The following CNTNAP5 variants were observed in gnomAD, a reference collection of about 807,000 sequenced individuals.
CNTNAP5 encodes contactin associated protein family member 5.
A neutral mutation model predicts 150.2 loss-of-function variants in CNTNAP5; 72 were observed. That is an observed-to-expected ratio of 0.48 (90% CI 0.40 to 0.58). The LOEUF is 0.58. Ranked by LOEUF, CNTNAP5 falls within the 20% of genes least tolerant of loss-of-function variation. The pLI is 0.00. For synonymous variants in CNTNAP5, 672 were observed against 619.8 expected, an observed-to-expected ratio of 1.08 and a Z score of -1.25; for missense variants, 1,636 against 1,626.2, an observed-to-expected ratio of 1.01 and a Z score of -0.10.
chr2:124,747,994 T>C (rs1680645774), intron 14 of CNTNAP5, among the ~76,000 whole-genome samples: 1 of 151,672 alleles, frequency 6.6e-6, no homozygotes, highest in South Asian at 2.1e-4. Context: ...GCATGCAATA[T>C]TGAGCTTTGC....
At chr2:124,895,614 G>C (rs1678288015) in intron 21 of CNTNAP5, among the ~76,000 whole-genome samples, 1 of 151,548 alleles carries the variant, frequency 6.6e-6, no homozygotes, top group Non-Finnish European at 1.5e-5. Context: ...GACAGAGCAA[G>C]ACCCTGTCTC....
chr2:124,312,722 C>A (rs1341343652), intron 3 of CNTNAP5, among the ~76,000 whole-genome samples: 1 of 152,230 alleles, frequency 6.6e-6, no homozygotes, highest in African/African-American at 2.4e-5. Context: ...AGGCGCTCGC[C>A]ACAGCACCCG....
intron 3 of CNTNAP5, among the ~76,000 whole-genome samples, chr2:124,320,656 C>A (rs531070227): frequency 6.6e-6 from 1 of 152,008 alleles, no homozygotes; most frequent in Non-Finnish European, 1.5e-5. Context: ...GATTCAAGAA[C>A]CTTATTTGGC....
In CNTNAP5 at chr2:124,242,346, G is replaced by A. The variant is rs777147651; in HGVS notation, c.334G>A (p.Asp112Asn). 6.2e-7 allele frequency: 1 copy of A among 1,613,450 alleles called. No homozygotes were observed. The highest frequency in any genetic ancestry group is 1.1e-5 in the South Asian group (1 of 91,022). ...WVTSYSLMFS[D>N]TGRNWKQYKQ... ...GACGAGTTACAGCCTGATGTTCAGT[G>A]ACACAGGACGCAACTGGAAACAGTA... Residue 112 changes from aspartate (D) to asparagine (N), a missense_variant, in exon 3 of 24, where the codon GAC becomes AAC. Asp to Asn is a conservative substitution (Grantham distance 23). Coordinates refer to ENST00000682447, the MANE Select transcript of CNTNAP5 (RefSeq NM_001367498.1).
chr2:124,354,565 G>T (rs1033749219), intron 3 of CNTNAP5, among the ~76,000 whole-genome samples: 34 of 152,138 alleles, frequency 2.2e-4, no homozygotes, highest in African/African-American at 7.7e-4. Flanking sequence ...TTTGACCTAA[G>T]ATCTTTGGAT....
At chr2:124,671,745 T>C (rs35643233) in intron 13 of CNTNAP5, among the ~76,000 whole-genome samples, 1 of 152,060 alleles carries the variant, frequency 6.6e-6, no homozygotes, top group East Asian at 1.9e-4. Context: ...GTTCAAGTGA[T>C]TCTCTTGATT....
At chr2:124,082,348 CAAA>C (rs56285830) in intron 1 of CNTNAP5, among the ~76,000 whole-genome samples, 1,302 of 73,402 alleles carry the variant, frequency 0.018, 18 homozygotes, top group African/African-American at 0.064. Context: ...GACTCTCTCT[CAAA>C]AAAAAAAAAA....
rs1678835628 is a variant in CNTNAP5 at position 124,919,699 on chromosome 2, C to T, written c.*5411C>T. 6.6e-6 allele frequency among the ~76,000 whole-genome samples: 1 copy of T among 152,004 alleles called. No homozygotes were observed. The highest frequency in any genetic ancestry group is 6.6e-5 in the Admixed American group (1 of 15,250). ...TGGGCTTTGCATGAATAATTCTTTA[C>T]TCACATTTGCATGATTTTTTTTACC... On this transcript the variant is annotated 3_prime_UTR_variant, in exon 24 of 24. Coordinates refer to ENST00000682447, the MANE Select transcript of CNTNAP5 (RefSeq NM_001367498.1).
intron 5 of CNTNAP5, among the ~76,000 whole-genome samples, chr2:124,442,793 T>C (rs1274190781): frequency 1.3e-5 from 2 of 152,090 alleles, no homozygotes; most frequent in Non-Finnish European, 2.9e-5. Context: ...AAAATTCGTA[T>C]CACAGGCAAA....
chr2:124,122,759 G>GACACACACACACACACACAC (rs66540981), intron 1 of CNTNAP5, among the ~76,000 whole-genome samples: 1 of 127,686 alleles, frequency 7.8e-6, no homozygotes, highest in Non-Finnish European at 1.7e-5. Context: ...GGTGGTAAAA[G>GACACACACACACACACACAC]ACACACACAC....
At chr2:124,806,146 A>G (rs1319711767) in intron 19 of CNTNAP5, among the ~76,000 whole-genome samples, 1 of 152,218 alleles carries the variant, frequency 6.6e-6, no homozygotes, top group Non-Finnish European at 1.5e-5. Context: ...AGATTAATAT[A>G]CAATTCATCT....
intron 10 of CNTNAP5, among the ~76,000 whole-genome samples, chr2:124,538,998 C>T (rs1381478673): frequency 6.6e-6 from 1 of 152,194 alleles, no homozygotes; most frequent in Admixed American, 6.5e-5. Context: ...TTGATGTCCA[C>T]TCATGGGGCC....
At chr2:124,696,401 T>G (rs2105084827) in intron 13 of CNTNAP5, among the ~76,000 whole-genome samples, 1 of 152,318 alleles carries the variant, frequency 6.6e-6, no homozygotes, top group South Asian at 2.1e-4. Flanking sequence ...AAATAACTCC[T>G]TAAACATCCA....
chr2:124,404,404 T>C (rs929044321), intron 3 of CNTNAP5, among the ~76,000 whole-genome samples: 2 of 152,186 alleles, frequency 1.3e-5, no homozygotes, highest in African/African-American at 2.4e-5. Context: ...AATGAGTGGC[T>C]CTGGTGGCAG....
At chr2:124,569,811 T>G (rs1287670419) in intron 11 of CNTNAP5, among the ~76,000 whole-genome samples, 2 of 152,248 alleles carry the variant, frequency 1.3e-5, no homozygotes, top group Non-Finnish European at 2.9e-5. Flanking sequence ...CATGTATTAA[T>G]TTGAAGCATA....
intron 17 of CNTNAP5, among the ~76,000 whole-genome samples, chr2:124,786,523 GAGAA>G (rs1352589919): frequency 1.5e-5 from 2 of 137,702 alleles, no homozygotes; most frequent in African/African-American, 6.1e-5. Context: ...AAGAAAGAAA[GAGAA>G]AGAAAGGAAA....
chr2:124,866,335 AG>A lies in CNTNAP5; in HGVS notation c.3348+904del, dbSNP rs572392582. ...GATCTATTAAATTGGAGGCTATGGA[AG>A]GGGGAAAGCAGCAGGTGATACTAAT... On this transcript the variant is annotated intron_variant, in intron 20 of 23. Transcript: ENST00000682447. 3.8e-3 allele frequency among the ~76,000 whole-genome samples: 586 copies of A among 152,254 alleles called. 6 individuals are homozygous for A. The highest frequency in any genetic ancestry group is 6.5e-3 in the Non-Finnish European group (439 of 68,004).
intron 3 of CNTNAP5, among the ~76,000 whole-genome samples, chr2:124,243,841 T>C (rs377100405): frequency 6.6e-6 from 1 of 152,198 alleles, no homozygotes; most frequent in Non-Finnish European, 1.5e-5. Flanking sequence ...AAATTGTATT[T>C]TGGGGACTAT....
At chr2:124,442,186 G>C (rs150473272) in intron 5 of CNTNAP5, among the ~76,000 whole-genome samples, 19 of 152,244 alleles carry the variant, frequency 1.2e-4, no homozygotes, top group Non-Finnish European at 2.5e-4. Context: ...TAGACCTTGA[G>C]GAGGGTAAAG....
Sources: allele counts gnomAD v4.1 joint callset (sites outside exome capture counted in the v4.1 genomes callset), GRCh38; gene constraint gnomAD v4.1.1; transcripts MANE v1.5; gene names NCBI Gene and HGNC (gene_info 2026-07-23, HGNC 2026-07-21).